Variants in SUGCT observed in about 807,000 individuals in gnomAD.
SUGCT encodes the protein succinyl-CoA:glutarate CoA-transferase.
In SUGCT, 41 loss-of-function variants were observed where a neutral mutation model predicts 55.0. The observed-to-expected ratio is 0.74, with a 90% CI of 0.58 to 0.97. The LOEUF (loss-of-function observed/expected upper bound fraction) is 0.97, where lower values mean the gene tolerates loss of function less well. Among genes scored for constraint, SUGCT ranks in the 50% least tolerant of loss-of-function variants. The pLI is 0.00. For synonymous variants in SUGCT, 187 were observed against 200.4 expected (o/e 0.93, Z 0.56); for missense variants, 568 against 547.8 (o/e 1.04, Z -0.37).
intron 9 of SUGCT, among the ~76,000 whole-genome samples, chr7:40,441,441 A>C (rs1788509864): frequency 6.6e-6 from 1 of 152,196 alleles, no homozygotes; most frequent in Admixed American, 6.6e-5. Flanking sequence ...ATTAACTATG[A>C]AATAGGGCTT....
the SUGCT span, chr7:40,965,575 A>G: frequency 6.6e-6 from 1 of 152,360 alleles, no homozygotes; most frequent in South Asian, 2.1e-4. Context: ...CAACATTATG[A>G]ATTCATATTA....
chr7:40,718,760 C>T (rs1484261815), intron 12 of SUGCT, among the ~76,000 whole-genome samples: 1 of 152,098 alleles, frequency 6.6e-6, no homozygotes, highest in African/African-American at 2.4e-5. Context: ...TTAAATAATA[C>T]TTATTGAAAT....
intron 12 of SUGCT, among the ~76,000 whole-genome samples, chr7:40,594,595 A>G (rs771763182): frequency 5.3e-5 from 8 of 152,236 alleles, no homozygotes; most frequent in South Asian, 4.1e-4. Flanking sequence ...GAGTCAAACT[A>G]TGGCCCCAGA....
intron 8 of SUGCT, among the ~76,000 whole-genome samples, chr7:40,290,272 TAACCAAAACAGCATGCTACTGG>T: frequency 6.6e-6 from 1 of 152,156 alleles, no homozygotes; most frequent in Admixed American, 6.5e-5. Flanking sequence ...AAGGCTACAG[TAACCAAAACAGCATGCTACTGG>T]TACCAAAACA....
At chr7:41,038,510 A>C in the SUGCT span, among the ~76,000 whole-genome samples, 1 of 152,246 alleles carries the variant, frequency 6.6e-6, no homozygotes, top group South Asian at 2.1e-4. Flanking sequence ...ACTTACTCTT[A>C]ATATACCCAG....
chr7:40,939,898 A>AT, the SUGCT span, among the ~76,000 whole-genome samples: 132,877 of 151,762 alleles, frequency 0.88, 58,273 homozygotes, highest in African/African-American at 0.92. Context: ...GGTTTTATGT[A>AT]TTTTTTTTCT....
intron 9 of SUGCT, among the ~76,000 whole-genome samples, chr7:40,440,067 C>G (rs1314192943): frequency 2.7e-5 from 4 of 150,210 alleles, no homozygotes; most frequent in Non-Finnish European, 5.9e-5. Flanking sequence ...AACTTTCTTC[C>G]TAAATGATTT....
At chr7:40,377,200 TTTCTTTTC>T (rs1562728717) in intron 9 of SUGCT, among the ~76,000 whole-genome samples, 16 of 5,936 alleles carry the variant, frequency 2.7e-3, no homozygotes, top group South Asian at 0.1. Flanking sequence ...CTTTCTTTCT[TTTCTTTTC>T]TTTTCTTTCT....
At chr7:40,231,626 T>C (rs1002579895) in intron 6 of SUGCT, among the ~76,000 whole-genome samples, 2 of 152,014 alleles carry the variant, frequency 1.3e-5, no homozygotes, top group East Asian at 3.9e-4. Context: ...CTAAAAACAA[T>C]ATCAGGGCCC....
intron 7 of SUGCT, among the ~76,000 whole-genome samples, chr7:40,240,637 A>G (rs1330866283): frequency 6.6e-6 from 1 of 152,254 alleles, no homozygotes; most frequent in East Asian, 1.9e-4. Flanking sequence ...AGCCTTGGCT[A>G]ATATTTTTAA....
intron 11 of SUGCT, among the ~76,000 whole-genome samples, chr7:40,482,223 G>T (rs555962948): frequency 5.9e-5 from 9 of 152,238 alleles, no homozygotes; most frequent in Non-Finnish European, 1.2e-4. Flanking sequence ...ACTTATGATA[G>T]ACCCTTATAG....
the SUGCT span, among the ~76,000 whole-genome samples, chr7:40,890,236 TTAAA>T: frequency 4.2e-5 from 6 of 142,318 alleles, no homozygotes; most frequent in African/African-American, 1.3e-4. Context: ...TATTATATAA[TTAAA>T]TATTTATATT....
chr7:40,412,698 T>C (rs879763935), intron 9 of SUGCT, among the ~76,000 whole-genome samples: 5 of 152,192 alleles, frequency 3.3e-5, no homozygotes, highest in Admixed American at 3.3e-4. Flanking sequence ...TTCTGCAATG[T>C]TGGTTCTGAC....
chr7:40,135,999 ATT>A (rs34395438), intron 1 of SUGCT, among the ~76,000 whole-genome samples: 18 of 112,908 alleles, frequency 1.6e-4, no homozygotes, highest in African/African-American at 9.5e-5. Context: ...AGGATGCAGG[ATT>A]TTTTTTTTTT....
chr7:40,680,021 A>C (rs1268501050), intron 12 of SUGCT, among the ~76,000 whole-genome samples: 2 of 152,182 alleles, frequency 1.3e-5, no homozygotes, highest in Non-Finnish European at 2.9e-5. Context: ...GATGAAAGAA[A>C]ATGTAATGTC....
chr7:40,724,059 G>T (rs906735060), intron 12 of SUGCT, among the ~76,000 whole-genome samples: 2 of 152,146 alleles, frequency 1.3e-5, no homozygotes, highest in Non-Finnish European at 2.9e-5. Context: ...AAAATGAAAA[G>T]ATATTTATGC....
At chr7:40,197,237 A>G (rs564972848) in intron 6 of SUGCT, among the ~76,000 whole-genome samples, 3 of 152,254 alleles carry the variant, frequency 2.0e-5, no homozygotes, top group Admixed American at 2.0e-4. Context: ...TAGATCCATA[A>G]TCATATTTTC....
In SUGCT at chr7:40,428,529, TGTGTGTG is replaced by T. The variant is rs1787720494; in HGVS notation, c.817-20757_817-20751del. 9.1e-4 allele frequency among the ~76,000 whole-genome samples: 25 copies of T among 27,372 alleles called. No individual in the cohort carries two copies. In the East Asian group the frequency reaches 0.019, roughly 21 times the overall value. 18.0% of individuals were successfully genotyped at this position (27,372 alleles called of 152,430 possible). A position where few individuals can be genotyped will look rare whatever the true frequency, so the allele number is the denominator to read the frequency against. ...TCTCTTTCTCTGTCTCTGCTGTGTG[TGTGTGTG>T]TGTGTGTGTGTGTGTGTGTGTCCTG... is the stretch of plus-strand genomic sequence containing the variant. On this transcript the variant is annotated intron_variant, in intron 9 of 13. Transcript: ENST00000335693.
chr7:40,957,690 CATT>C, the SUGCT span, among the ~76,000 whole-genome samples: 1 of 151,396 alleles, frequency 6.6e-6, no homozygotes, highest in African/African-American at 2.4e-5. Context: ...GTCATTATGT[CATT>C]ATCCTGTCAA....
Sources: gnomAD v4.1 joint callset for allele counts (sites outside exome capture counted in the v4.1 genomes callset) on GRCh38, gnomAD v4.1.1 for gene constraint, MANE v1.5 for transcripts, NCBI Gene and HGNC (gene_info 2026-07-23, HGNC 2026-07-21) for gene names.